MRRF: variants seen among roughly 807,000 people sequenced by gnomAD.
The protein encoded by MRRF is mitochondrial ribosome recycling factor.
In MRRF, 18 loss-of-function variants were observed where a neutral mutation model predicts 25.1. The ratio of observed to expected loss-of-function variants is 0.72; its 90% CI spans 0.50 to 1.06. The LOEUF (loss-of-function observed/expected upper bound fraction) is 1.06, where lower values mean the gene tolerates loss of function less well. MRRF is among the 50% of genes least tolerant of loss of function. The probability of loss-of-function intolerance (pLI) is 0.00; values close to 1 mark genes in which losing one functional copy is unlikely to be tolerated. For missense variants in MRRF, 323 were observed against 319.3 expected, an observed-to-expected ratio of 1.01 and a Z score of -0.09; for synonymous variants, 113 against 112.1, an observed-to-expected ratio of 1.01 and a Z score of -0.05.
At chr9:122,284,236 G>A (rs1053750309) in intron 3 of MRRF, among the ~76,000 whole-genome samples, 3 of 152,142 alleles carry the variant, frequency 2.0e-5, no homozygotes, top group Non-Finnish European at 2.9e-5. Context: ...AGCCGGATTT[G>A]AGTTCCATTT....
intron 5 of MRRF, among the ~76,000 whole-genome samples, chr9:122,309,640 A>G (rs567024067): frequency 6.6e-6 from 1 of 152,096 alleles, no homozygotes; most frequent in African/African-American, 2.4e-5. Context: ...GCATATTACC[A>G]CTGTAATTTA....
chr9:122,280,684 C>A (rs1833050933), intron 3 of MRRF, 86 bp downstream of exon 3: 6 of 1,320,280 alleles, frequency 4.5e-6, no homozygotes, highest in Non-Finnish European at 6.5e-6. Context: ...CCAGCTTTGC[C>A]ATTTACTAAC....
intron 5 of MRRF, among the ~76,000 whole-genome samples, chr9:122,298,065 A>G (rs1564497204): frequency 6.6e-6 from 1 of 152,176 alleles, no homozygotes; most frequent in Non-Finnish European, 1.5e-5. Context: ...GTTGTTAGGT[A>G]ACTTGCTTGG....
At chr9:122,305,600 TATC>T (rs947015481) in intron 5 of MRRF, among the ~76,000 whole-genome samples, 7 of 152,148 alleles carry the variant, frequency 4.6e-5, no homozygotes, top group Non-Finnish European at 7.4e-5. Flanking sequence ...CTGTAGCAGT[TATC>T]ATTATTATTA....
At chr9:122,303,868 G>T (rs1050461462) in intron 5 of MRRF, among the ~76,000 whole-genome samples, 1 of 152,148 alleles carries the variant, frequency 6.6e-6, no homozygotes, top group African/African-American at 2.4e-5. Context: ...GGCTGCCGAC[G>T]TGAAACCTAC....
At chr9:122,268,814 A>G (rs1417924120) in intron 1 of MRRF, among the ~76,000 whole-genome samples, 2 of 152,220 alleles carry the variant, frequency 1.3e-5, no homozygotes, top group Non-Finnish European at 2.9e-5. Context: ...CCTTACTGTT[A>G]AAAATTCCAT....
chr9:122,286,735 AT>A (rs1462002804), intron 4 of MRRF, among the ~76,000 whole-genome samples: 3 of 152,246 alleles, frequency 2.0e-5, no homozygotes, highest in East Asian at 1.9e-4. Context: ...GGAAAAAAAA[AT>A]ATATGTATAA....
At chr9:122,317,776 A>G (rs1835627202) in intron 6 of MRRF, among the ~76,000 whole-genome samples, 1 of 152,154 alleles carries the variant, frequency 6.6e-6, no homozygotes, top group South Asian at 2.1e-4. Context: ...TAATTTTCAA[A>G]AATCTTTTGA....
chr9:122,300,951 G>C (rs1834408442), intron 5 of MRRF, among the ~76,000 whole-genome samples: 2 of 152,156 alleles, frequency 1.3e-5, no homozygotes, highest in African/African-American at 4.8e-5. Context: ...TCCTGAAAAA[G>C]GCAAGAAGCC....
intron 2 of MRRF, among the ~76,000 whole-genome samples, chr9:122,271,793 GT>G (rs2079913939): frequency 6.6e-6 from 1 of 152,182 alleles, no homozygotes; most frequent in Non-Finnish European, 1.5e-5. Context: ...GACAAATTTT[GT>G]TGAATGAAAG....
At chr9:122,278,767 C>G (rs1832923106) in intron 2 of MRRF, among the ~76,000 whole-genome samples, 1 of 152,156 alleles carries the variant, frequency 6.6e-6, no homozygotes, top group Non-Finnish European at 1.5e-5. Context: ...TGTCTTTTCT[C>G]TTGGGCGTTT....
intron 6 of MRRF, among the ~76,000 whole-genome samples, chr9:122,319,874 A>ATTTTTTTTTTTT (rs975991164): frequency 7.7e-6 from 1 of 129,990 alleles, no homozygotes; most frequent in Non-Finnish European, 1.6e-5. Flanking sequence ...ATTTTCATTA[A>ATTTTTTTTTTTT]TTTTTTTTTT....
chr9:122,313,079 C>A (rs778859848), intron 5 of MRRF, 148 bp from the exon 6 acceptor site: 14 of 832,688 alleles, frequency 1.7e-5, no homozygotes, highest in Non-Finnish European at 2.7e-5. Context: ...TTTATACATG[C>A]GTTTTCCTCC....
intron 2 of MRRF, among the ~76,000 whole-genome samples, chr9:122,279,021 C>T (rs1302888543): frequency 6.6e-6 from 1 of 152,132 alleles, no homozygotes; most frequent in South Asian, 2.1e-4. Flanking sequence ...TACAGGCACA[C>T]GCCACCACGC....
chr9:122,297,687 G>C (rs1834177093), intron 5 of MRRF, among the ~76,000 whole-genome samples: 1 of 152,138 alleles, frequency 6.6e-6, no homozygotes, highest in Admixed American at 6.5e-5. Context: ...TGGTGGCATG[G>C]GGACCGTAAT....
chr9:122,291,660 G>GGCAAC, intron 4 of MRRF, 89 bp from the exon 5 acceptor site: 1 of 902,816 alleles, frequency 1.1e-6, no homozygotes, highest in South Asian at 1.3e-5. Flanking sequence ...TCCATGTTCT[G>GGCAAC]CCAAGATGGG....
At position 122,291,754 on chromosome 9, in the gene MRRF, A is replaced by C. The variant is rs772970007; in HGVS notation, c.465A>C (p.Thr155=). The C allele has an allele frequency of 6.2e-7, 1 of 1,609,788 alleles. No homozygotes were observed. The highest frequency in any genetic ancestry group is 1.7e-5 in the Admixed American group (1 of 60,012). ...CCTTTTGATCTGGTTTTCAGTGTAC[A>C]GCTGCAGCTATCAAGGCTATAAGAG... is the stretch of plus-strand genomic sequence containing the variant. ...LVNMASFPEC[T]AAAIKAIRES... is the part of the protein sequence containing the mutation. Residue 155 remains threonine, a synonymous_variant, in exon 5 of 7, where the codon ACA becomes ACC. Transcript: ENST00000344641.
At chr9:122,268,138 T>C (rs1832234144) in intron 1 of MRRF, among the ~76,000 whole-genome samples, 2 of 152,348 alleles carry the variant, frequency 1.3e-5, no homozygotes, top group South Asian at 4.1e-4. Flanking sequence ...AAGGACTGCT[T>C]TTATTGAACT....
chr9:122,295,838 T>TA (rs1834051640), intron 5 of MRRF, among the ~76,000 whole-genome samples: 1 of 152,168 alleles, frequency 6.6e-6, no homozygotes, highest in Non-Finnish European at 1.5e-5. Flanking sequence ...TGCCTAATGA[T>TA]AGTCTATAGG....
Sources: allele counts gnomAD v4.1 joint callset (sites outside exome capture counted in the v4.1 genomes callset), GRCh38; gene constraint gnomAD v4.1.1; transcripts MANE v1.5; gene names NCBI Gene and HGNC (gene_info 2026-07-23, HGNC 2026-07-21).